Variants in PYGB observed in about 807,000 individuals in gnomAD.
PYGB encodes the protein glycogen phosphorylase B, also known as glycogen phosphorylase, brain form.
Under a neutral mutation model 94.3 loss-of-function variants are expected in PYGB, and 82 were observed. That is an observed-to-expected ratio of 0.87 (90% CI 0.73 to 1.04). The LOEUF (loss-of-function observed/expected upper bound fraction) is 1.04, where lower values mean the gene tolerates loss of function less well. Among genes scored for constraint, PYGB ranks in the 50% least tolerant of loss-of-function variants. The pLI is 0.00. For synonymous variants in PYGB, 488 were observed against 479.1 expected (o/e 1.02, Z -0.24); for missense variants, 1,132 against 1,158.2 (o/e 0.98, Z 0.33).
intron 2 of PYGB, among the ~76,000 whole-genome samples, chr20:25,264,027 T>C (rs1568685879): frequency 6.6e-6 from 1 of 152,132 alleles, no homozygotes; most frequent in Non-Finnish European, 1.5e-5. Flanking sequence ...GCAAAAATCA[T>C]AGTAAAATAC....
At chr20:25,272,580 A>G (rs2088276760) in intron 4 of PYGB, among the ~76,000 whole-genome samples, 2 of 152,260 alleles carry the variant, frequency 1.3e-5, no homozygotes, top group Non-Finnish European at 2.9e-5. Flanking sequence ...GTGGGTGCAT[A>G]ATGTTTCTGC....
At chr20:25,294,564 G>T (rs1360835605) in intron 18 of PYGB, among the ~76,000 whole-genome samples, 1 of 152,224 alleles carries the variant, frequency 6.6e-6, no homozygotes, top group African/African-American at 2.4e-5. Context: ...TGAGCAGGAG[G>T]GGGTGTCCTC....
chr20:25,290,384 C>G (rs1230363016), intron 15 of PYGB, 97 bp from the exon 16 acceptor site: 1 of 1,482,728 alleles, frequency 6.7e-7, no homozygotes, highest in Non-Finnish European at 9.3e-7. Flanking sequence ...TCCTGTGGCT[C>G]TAGCCTCACC....
intron 15 of PYGB, among the ~76,000 whole-genome samples, chr20:25,289,557 ATCGATTG>A (rs2088447248): frequency 6.6e-6 from 1 of 151,898 alleles, no homozygotes; most frequent in Non-Finnish European, 1.5e-5. Context: ...GAGTAGGAGG[ATCGATTG>A]TCCTGGGTGA....
chr20:25,296,530 C>T lies in PYGB; in HGVS notation c.*8C>T, dbSNP rs2088549101. 6.2e-7 allele frequency: 1 copy of T among 1,610,096 alleles called. No individual in the cohort carries two copies. Among genetic ancestry groups the T allele is most frequent in the East Asian group, 2.2e-5 (1 of 44,776 alleles). ...AACATCCCCCGGGACTAGGCACACC[C>T]TGCCTTGGCGGGACCAGCGGGCATT... On this transcript the variant is annotated 3_prime_UTR_variant, in exon 20 of 20. Coordinates refer to ENST00000216962, the MANE Select transcript of PYGB (RefSeq NM_002862.4).
At chr20:25,294,321 T>C (rs758133639) in intron 18 of PYGB, 29 bp downstream of exon 18, 25 of 358,074 alleles carry the variant, frequency 7.0e-5, no homozygotes, top group Non-Finnish European at 1.3e-4. Flanking sequence ...GTTGGGTGGC[T>C]GGGAGGGAGG....
chr20:25,250,442 C>A (rs1316556280), intron 1 of PYGB, among the ~76,000 whole-genome samples: 1 of 152,150 alleles, frequency 6.6e-6, no homozygotes, highest in Non-Finnish European at 1.5e-5. Context: ...TCTCTTAAAC[C>A]GCACAGTCTG....
chr20:25,294,098 G>A, intron 17 of PYGB, 60 bp from the exon 18 acceptor site: 3 of 1,588,704 alleles, frequency 1.9e-6, no homozygotes, highest in East Asian at 2.3e-5. Flanking sequence ...AACATGGCTT[G>A]TTCTCCAAGG....
At chr20:25,286,284 T>C (rs180742466) in intron 14 of PYGB, among the ~76,000 whole-genome samples, 109 of 152,340 alleles carry the variant, frequency 7.2e-4, no homozygotes, top group African/African-American at 1.9e-3. Flanking sequence ...TCTGGCCTTC[T>C]TCCTTGGTGC....
At chr20:25,270,747 G>A (rs1356848324) in intron 3 of PYGB, among the ~76,000 whole-genome samples, 2 of 152,034 alleles carry the variant, frequency 1.3e-5, no homozygotes, top group African/African-American at 2.4e-5. Flanking sequence ...CTCCCACCTC[G>A]GCTTCCCAAA....
rs201535826 is a variant in PYGB at position 25,281,068 on chromosome 20, C to T, written c.1359C>T (p.Val453=). The T allele has an allele frequency of 5.0e-5, 80 of 1,614,048 alleles. No homozygotes were observed. The highest frequency in any genetic ancestry group is 6.6e-5 in the Non-Finnish European group (78 of 1,180,020). The stretch of plus-strand genomic sequence containing the variant: ...TGTGTGTGATTGGGTCCCATGCTGT[C>T]AATGGTGTGGCGAGGATCCACTCGG... ...AHLCVIGSHA[V]NGVARIHSEI... The change falls in exon 11 of 20, where the codon GTC becomes GTT. Residue 453 remains valine, a synonymous_variant. Coordinates refer to ENST00000216962, the MANE Select transcript of PYGB (RefSeq NM_002862.4).
At chr20:25,283,151 T>G in intron 12 of PYGB, 25 bp from the exon 13 acceptor site, 49 of 1,588,156 alleles carry the variant, frequency 3.1e-5, no homozygotes, top group Non-Finnish European at 3.8e-5. Flanking sequence ...AGGCCCACAG[T>G]GAGCGGAACC....
At chr20:25,286,535 A>G (rs1006014949) in intron 14 of PYGB, among the ~76,000 whole-genome samples, 31 of 151,686 alleles carry the variant, frequency 2.0e-4, no homozygotes, top group Non-Finnish European at 2.9e-5. Context: ...GCTGACTTCC[A>G]TTGCTACGTT....
At position 25,294,596 on chromosome 20, in the gene PYGB, G is replaced by A. The variant is rs902640947; in HGVS notation, c.2312+304G>A. ...CCTCTGCTGGTTGGAGGTCCCAGGG[G>A]CAGCCGTGTCCCAGCAGGCCAGTAG... On this transcript the variant is annotated intron_variant, in intron 18 of 19. Coordinates refer to ENST00000216962, the MANE Select transcript of PYGB (RefSeq NM_002862.4). The A allele has an allele frequency of 2.6e-5, 14 of 540,516 alleles. No homozygotes were observed. In the Admixed American group the frequency reaches 3.5e-4, roughly 13 times the overall value. 33.5% of individuals were successfully genotyped at this position (540,516 alleles called of 1,614,324 possible).
At chr20:25,248,807 G>T (rs897412774) in intron 1 of PYGB, among the ~76,000 whole-genome samples, 1 of 152,270 alleles carries the variant, frequency 6.6e-6, no homozygotes, top group African/African-American at 2.4e-5. Context: ...GCAGCAGCCT[G>T]TGGGAGAAAA....
At chr20:25,275,528 C>T (rs1308678407) in intron 5 of PYGB, among the ~76,000 whole-genome samples, 1 of 152,218 alleles carries the variant, frequency 6.6e-6, no homozygotes. Flanking sequence ...AGGGAGTTGT[C>T]TTGACTTTGT....
In PYGB at chr20:25,296,613, TG is replaced by T. The variant is rs1357732908; in HGVS notation, c.*93del. 4 of 1,467,502 alleles carry T rather than the reference TG, an allele frequency of 2.7e-6. No individual in the cohort carries two copies. In the African/African-American group the frequency reaches 5.6e-5, roughly 21 times the overall value. The allele number at this position is 1,467,502 out of a possible 1,614,324, so 90.9% of individuals were successfully genotyped here. ...CCCCAAACACTTTGCCAGCCACTGG[TG>T]GTCCCTGCTTTTCTGAGTACCATGT... On this transcript the variant is annotated 3_prime_UTR_variant, in exon 20 of 20. Transcript: ENST00000216962.
At chr20:25,257,535 A>C (rs1442936029) in intron 1 of PYGB, among the ~76,000 whole-genome samples, 1 of 152,108 alleles carries the variant, frequency 6.6e-6, no homozygotes, top group East Asian at 1.9e-4. Flanking sequence ...ACAACCTAAA[A>C]ATCCACATTT....
chr20:25,284,487 G>A (rs2088400243), intron 14 of PYGB, among the ~76,000 whole-genome samples: 1 of 152,258 alleles, frequency 6.6e-6, no homozygotes, highest in African/African-American at 2.4e-5. Context: ...AGGCTGGAGT[G>A]CAGTGGTGCC....
Sources: allele counts gnomAD v4.1 joint callset (sites outside exome capture counted in the v4.1 genomes callset), GRCh38; gene constraint gnomAD v4.1.1; transcripts MANE v1.5; gene names NCBI Gene and HGNC (gene_info 2026-07-23, HGNC 2026-07-21).